Variants in SRGAP3 observed in about 807,000 individuals in gnomAD.
SRGAP3 encodes SLIT-ROBO Rho GTPase activating protein 3, also known as SLIT-ROBO Rho GTPase-activating protein 3.
A neutral mutation model predicts 121.1 loss-of-function variants in SRGAP3; 39 were observed. The ratio of observed to expected loss-of-function variants is 0.32; its 90% CI spans 0.25 to 0.42. The LOEUF (loss-of-function observed/expected upper bound fraction) is 0.42. SRGAP3 is among the 10% of genes least tolerant of loss of function. The pLI is 1.00. For synonymous variants in SRGAP3, 601 were observed against 570.0 expected, an observed-to-expected ratio of 1.05 and a Z score of -0.77; for missense variants, 1,213 against 1,470.6, an observed-to-expected ratio of 0.82 and a Z score of 2.86.
intron 2 of SRGAP3, among the ~76,000 whole-genome samples, chr3:9,114,364 G>T (rs1434696929): frequency 6.6e-6 from 1 of 152,136 alleles, no homozygotes; most frequent in Non-Finnish European, 1.5e-5. Context: ...TTGTTGGGAA[G>T]ATCTAAGGCC....
At chr3:9,191,045 A>G (rs1951737195) in intron 1 of SRGAP3, among the ~76,000 whole-genome samples, 1 of 151,848 alleles carries the variant, frequency 6.6e-6, no homozygotes, top group African/African-American at 2.4e-5. Context: ...TCTTCTTCCT[A>G]CAGAAAAAAA....
In SRGAP3 at chr3:8,990,417, G is replaced by A. The variant is rs937376336; in HGVS notation, c.2886+95C>T. 41 of 1,460,392 alleles carry A rather than the reference G, an allele frequency of 2.8e-5. No homozygotes were observed. The Middle Eastern group carries it at 9.5e-4, about 34-fold the overall frequency. 90.5% of individuals were successfully genotyped at this position (1,460,392 alleles called of 1,614,324 possible). A position where few individuals can be genotyped will look rare whatever the true frequency, so the allele number is the denominator to read the frequency against. ...GTTCTCTGGCTTAGCCATGAGCCTG[G>A]CATAAAGGCCAAGGTGGCTCCCCGC... On this transcript the variant is annotated intron_variant, in intron 21 of 21. Coordinates refer to ENST00000383836, the MANE Select transcript of SRGAP3 (RefSeq NM_014850.4).
rs201050858 is a variant in SRGAP3, at chr3:8,990,500, G to C, written c.2886+12C>G. 4 of 1,551,208 alleles carry C rather than the reference G, an allele frequency of 2.6e-6. No individual in the cohort carries two copies. Among genetic ancestry groups the C allele is most frequent in the Non-Finnish European group, 3.5e-6 (4 of 1,147,662 alleles). On this transcript the variant is annotated intron_variant, in intron 21 of 21. Coordinates refer to ENST00000383836, the MANE Select transcript of SRGAP3 (RefSeq NM_014850.4). ...TTTTGGCTGCCCAGCCTGCCTTCCC[G>C]CTGGCCCTTACTTCTGCCAGGGCCT...
At chr3:9,229,039 G>C (rs1279258511) in intron 1 of SRGAP3, among the ~76,000 whole-genome samples, 6 of 145,416 alleles carry the variant, frequency 4.1e-5, no homozygotes, top group Non-Finnish European at 7.5e-5. Flanking sequence ...TCCGCAGTCC[G>C]GCCTGGGCGA....
chr3:9,263,928 T>G (rs571092456), intron 3 of SRGAP3, among the ~76,000 whole-genome samples: 1 of 152,226 alleles, frequency 6.6e-6, no homozygotes, highest in East Asian at 1.9e-4. Context: ...AAGAGAAAAT[T>G]TCAGGCCAAT....
At chr3:9,055,795 C>T (rs978757812) in intron 8 of SRGAP3, among the ~76,000 whole-genome samples, 2 of 152,188 alleles carry the variant, frequency 1.3e-5, no homozygotes, top group Admixed American at 6.5e-5. Context: ...CATTTCCCTC[C>T]AGTCTTTTTT....
chr3:9,349,059 T>C, intron 1 of SRGAP3: 1 of 968,938 alleles, frequency 1.0e-6, no homozygotes, highest in East Asian at 2.4e-5. Flanking sequence ...ATCATGGAGC[T>C]GAACCTGCCC....
chr3:9,353,762 A>G (rs961045062), intron 1 of SRGAP3, among the ~76,000 whole-genome samples: 9 of 152,222 alleles, frequency 5.9e-5, no homozygotes, highest in Non-Finnish European at 1.3e-4. Context: ...ATTAATAGAT[A>G]CATCTCTTAT....
intron 3 of SRGAP3, among the ~76,000 whole-genome samples, chr3:9,301,847 C>A (rs1352980848): frequency 1.3e-5 from 2 of 152,152 alleles, no homozygotes; most frequent in African/African-American, 4.8e-5. Context: ...GGTTGATCTG[C>A]GGATTAATTG....
chr3:9,108,878 A>G (rs1232235427), intron 2 of SRGAP3, among the ~76,000 whole-genome samples: 1 of 152,126 alleles, frequency 6.6e-6, no homozygotes, highest in East Asian at 1.9e-4. Flanking sequence ...TGGACTTGAG[A>G]GATTTCTCAA....
intron 1 of SRGAP3, among the ~76,000 whole-genome samples, chr3:9,211,141 G>A (rs1413712294): frequency 6.6e-6 from 1 of 152,080 alleles, no homozygotes; most frequent in Non-Finnish European, 1.5e-5. Context: ...GTGTTGAGGG[G>A]GGAGAAGTGG....
chr3:9,326,980 C>T (rs1262535748), intron 2 of SRGAP3, among the ~76,000 whole-genome samples: 2 of 151,704 alleles, frequency 1.3e-5, no homozygotes, highest in Non-Finnish European at 2.9e-5. Context: ...TTCCCTTCCC[C>T]GCTTTTTCTT....
intron 3 of SRGAP3, among the ~76,000 whole-genome samples, chr3:9,290,818 A>G (rs1036226377): frequency 2.6e-5 from 4 of 152,232 alleles, no homozygotes; most frequent in Non-Finnish European, 4.4e-5. Flanking sequence ...CTAACAGCTA[A>G]TGAGACCACT....
chr3:9,275,048 C>T (rs1559255134), intron 3 of SRGAP3, among the ~76,000 whole-genome samples: 1 of 152,128 alleles, frequency 6.6e-6, no homozygotes. Flanking sequence ...AGGGTGGAAC[C>T]CTCACCAGGG....
intron 3 of SRGAP3, among the ~76,000 whole-genome samples, chr3:9,266,804 ACCAGGC>A (rs919267819): frequency 1.3e-5 from 2 of 152,168 alleles, no homozygotes; most frequent in Non-Finnish European, 2.9e-5. Flanking sequence ...ATGAGGCCTT[ACCAGGC>A]CCCAATAAAT....
chr3:9,357,255 T>C (rs1209098512), intron 1 of SRGAP3, among the ~76,000 whole-genome samples: 1 of 152,090 alleles, frequency 6.6e-6, no homozygotes, highest in Admixed American at 6.6e-5. Flanking sequence ...AAAATATATA[T>C]ACATTTTTTT....
intron 1 of SRGAP3, among the ~76,000 whole-genome samples, chr3:9,353,498 C>A (rs1347926716): frequency 2.0e-5 from 3 of 152,218 alleles, no homozygotes; most frequent in African/African-American, 4.8e-5. Flanking sequence ...GAATAAATTT[C>A]ATATACATTC....
intron 3 of SRGAP3, chr3:9,257,075 C>A: frequency 2.6e-6 from 1 of 386,610 alleles, no homozygotes; most frequent in East Asian, 3.7e-5. Context: ...TAGTTCAGAA[C>A]CTAAATGGGA....
At chr3:9,354,266 T>C (rs1217964795) in intron 1 of SRGAP3, among the ~76,000 whole-genome samples, 5 of 152,072 alleles carry the variant, frequency 3.3e-5, no homozygotes, top group Non-Finnish European at 7.4e-5. Flanking sequence ...GTAATCACCA[T>C]AGAAACGAAA....
Sources: allele counts gnomAD v4.1 joint callset (sites outside exome capture counted in the v4.1 genomes callset), GRCh38; gene constraint gnomAD v4.1.1; transcripts MANE v1.5; gene names NCBI Gene and HGNC (gene_info 2026-07-23, HGNC 2026-07-21).